CAPRIN2: variants seen among roughly 807,000 people sequenced by gnomAD.
The protein encoded by CAPRIN2 is caprin family member 2, also known as caprin-2.
In CAPRIN2, 66 loss-of-function variants were observed where a neutral mutation model predicts 130.4. The ratio of observed to expected loss-of-function variants is 0.51; its 90% CI spans 0.42 to 0.62. CAPRIN2 has a LOEUF of 0.62. CAPRIN2 is among the 20% of genes least tolerant of loss of function. CAPRIN2 has a pLI of 0.00. For synonymous variants in CAPRIN2, 471 were observed against 444.1 expected (o/e 1.06, Z -0.76); for missense variants, 1,185 against 1,246.6 (o/e 0.95, Z 0.74).
chr12:30,716,520 A>G, exon 13 of CAPRIN2: 1 of 1,613,796 alleles, frequency 6.2e-7, no homozygotes, highest in African/African-American at 1.3e-5. Context: ...GTCTCTTGAG[A>G]ATGGACAGTT....
At chr12:30,716,703 A>T in intron 12 of CAPRIN2, 27 bp from the exon 15 acceptor site, 1 of 1,598,506 alleles carries the variant, frequency 6.3e-7, no homozygotes, top group Non-Finnish European at 8.5e-7. Context: ...ACACTGAGTC[A>T]TTTGGGAAGT....
exon 3 of CAPRIN2, chr12:30,741,035 A>T (rs2067221313): frequency 1.2e-6 from 2 of 1,609,154 alleles, no homozygotes. Context: ...GGCTCAACCC[A>T]GAAAAGGTTT....
At chr12:30,745,996 T>C (rs1306986670) in intron 2 of CAPRIN2, among the ~76,000 whole-genome samples, 3 of 151,916 alleles carry the variant, frequency 2.0e-5, no homozygotes, top group African/African-American at 4.8e-5. Flanking sequence ...CAAAAATCAA[T>C]CTCCAAAGAA....
intron 10 of CAPRIN2, 91 bp downstream of exon 11, chr12:30,724,279 A>G: frequency 1.3e-6 from 1 of 789,784 alleles, no homozygotes; most frequent in South Asian, 1.5e-5. Context: ...ACATATTAGG[A>G]CATCTAAAAT....
At chr12:30,745,204 T>A (rs935577950) in intron 2 of CAPRIN2, among the ~76,000 whole-genome samples, 1 of 152,222 alleles carries the variant, frequency 6.6e-6, no homozygotes, top group African/African-American at 2.4e-5. Flanking sequence ...ACAAAAACTT[T>A]GGTAGAACCA....
chr12:30,754,410 G>A (rs1296795281), exon 1 of CAPRIN2: 2 of 152,768 alleles, frequency 1.3e-5, no homozygotes. Flanking sequence ...ACCAAGGACA[G>A]AACAGGCCCC....
rs2061792758 is a variant in CAPRIN2 at position 30,729,097 on chromosome 12, CTT to C, written c.1331_1332del (p.Gln444ArgfsTer26). ...AGAGTAGACCTGAGTTTTGAGGTGT[CTT>C]GTTTCCTCTGTTCTAAGGAAACTGC... On this transcript the variant is annotated frameshift_variant, in exon 8 of 17. Coordinates refer to ENST00000298892, the Ensembl canonical transcript of CAPRIN2. LOFTEE classifies it high-confidence loss of function. 1 of 1,614,116 alleles carries C rather than the reference CTT, an allele frequency of 6.2e-7. No individual in the cohort carries two copies. Among genetic ancestry groups the C allele is most frequent in the Non-Finnish European group, 8.5e-7 (1 of 1,180,018 alleles).
chr12:30,724,011 G>A (rs1328176379), intron 10 of CAPRIN2, among the ~76,000 whole-genome samples: 3 of 152,102 alleles, frequency 2.0e-5, no homozygotes, highest in Non-Finnish European at 4.4e-5. Context: ...CTTCATTGTG[G>A]TAATCACACC....
At chr12:30,717,244 A>G (rs1158377705) in intron 12 of CAPRIN2, among the ~76,000 whole-genome samples, 1 of 152,250 alleles carries the variant, frequency 6.6e-6, no homozygotes, top group East Asian at 1.9e-4. Context: ...TGGATTATTC[A>G]GCCATACAAA....
At chr12:30,717,875 A>G (rs2058159895) in intron 12 of CAPRIN2, among the ~76,000 whole-genome samples, 1 of 152,166 alleles carries the variant, frequency 6.6e-6, no homozygotes, top group African/African-American at 2.4e-5. Flanking sequence ...ATATACAGGT[A>G]TTTGTCTCCC....
intron 12 of CAPRIN2, chr12:30,719,194 G>T (rs753175399): frequency 1.2e-6 from 2 of 1,614,068 alleles, no homozygotes; most frequent in Non-Finnish European, 1.7e-6. Context: ...AGAAGCTAGT[G>T]AAGACGGTTG....
At chr12:30,728,907 T>C (rs1438408982) in exon 8 of CAPRIN2, 1 of 1,614,182 alleles carries the variant, frequency 6.2e-7, no homozygotes. Flanking sequence ...AGTTTGCTTC[T>C]TTGGATCTTG....
chr12:30,733,630 T>C (rs745737049), exon 5 of CAPRIN2: 1 of 1,608,020 alleles, frequency 6.2e-7, no homozygotes, highest in Non-Finnish European at 8.5e-7. Context: ...AAAACTCACA[T>C]GTCGTTCCTA....
At position 30,716,625 on chromosome 12, in the gene CAPRIN2, C is replaced by A; in HGVS notation, c.2200G>T (p.Glu734Ter). Residue 734 changes from glutamate (E) to a stop codon, truncating the protein, a stop_gained, in exon 13 of 17, where the codon GAA (glutamate) becomes TAA (stop). Coordinates refer to ENST00000298892, the Ensembl canonical transcript of CAPRIN2. LOFTEE classifies it high-confidence loss of function. ...TTGTAGCCAGGTGAATAAGGGGATT[C>A]TTTTATTTCTTGTTCTTTTCGTGGA... is the stretch of plus-strand genomic sequence containing the variant. The A allele has an allele frequency of 6.2e-7, 1 of 1,613,898 alleles. No individual in the cohort carries two copies. The highest frequency in any genetic ancestry group is 8.5e-7 in the Non-Finnish European group (1 of 1,179,870).
rs2053782256 is a variant in CAPRIN2, at chr12:30,710,062, T to C, written c.3074A>G (p.Tyr1025Cys). 1 of 1,614,156 alleles carries C rather than the reference T, an allele frequency of 6.2e-7. No individual in the cohort carries two copies. Among genetic ancestry groups the C allele is most frequent in the Non-Finnish European group, 8.5e-7 (1 of 1,180,026 alleles). ...ATGGTCTGGAGCACCATCATTGGCA[T>C]AGGCTGATACCAAGACCTCTTCATT... Residue 1025 changes from tyrosine to cysteine, a missense_variant, in exon 17 of 17, where the codon TAT (tyrosine) becomes TGT (cysteine). Physicochemically the swap from Tyr to Cys is radical, Grantham distance 194. This residue lies in a region of CAPRIN2 where 81 missense variants were observed against 142.2 expected (regional missense o/e 0.57). Coordinates refer to ENST00000298892, the Ensembl canonical transcript of CAPRIN2. This position sits in a 1 kb window ranked among gnomAD's most constrained non-coding sequence, Gnocchi z 4.8.
At chr12:30,748,486 C>T (rs1438628440) in intron 2 of CAPRIN2, among the ~76,000 whole-genome samples, 1 of 152,214 alleles carries the variant, frequency 6.6e-6, no homozygotes, top group Non-Finnish European at 1.5e-5. Context: ...TGACACAGTG[C>T]TACTGCACAC....
rs536059804 is a variant in CAPRIN2, at chr12:30,719,446, A to T, written c.2148+1365T>A. ...CTTGCTGACTAAGTGAAAGAGTCTT[A>T]CCAATAATCAGTCTAACAGATGAGG... On this transcript the variant is annotated intron_variant, in intron 12 of 16. Coordinates refer to ENST00000298892, the Ensembl canonical transcript of CAPRIN2. 146 of 523,730 alleles carry T rather than the reference A, an allele frequency of 2.8e-4. 2 individuals are homozygous for T. In the Admixed American group the frequency reaches 3.0e-3, roughly 11 times the overall value. 32.4% of individuals were successfully genotyped at this position (523,730 alleles called of 1,614,324 possible).
Position 30,710,463 on chromosome 12 carries a change from C to A in CAPRIN2, c.2673G>T (p.Trp891Cys). Residue 891 changes from tryptophan (W) to cysteine (C), a missense_variant, in exon 17 of 17, where the codon TGG becomes TGT. Transcript: ENST00000298892. The surrounding 1 kb of genome is among the most constrained non-coding windows in gnomAD (Gnocchi z 4.8). The stretch of plus-strand genomic sequence containing the variant: ...GGCTGCTCACCTGAGAAGAATCACT[C>A]CACCCTGCTGTTTTATTAGCAACAG... 1 of 1,614,002 alleles carries A rather than the reference C, an allele frequency of 6.2e-7. No individual in the cohort carries two copies. Among genetic ancestry groups the A allele is most frequent in the Non-Finnish European group, 8.5e-7 (1 of 1,179,932 alleles).
At chr12:30,731,569 T>G in intron 5 of CAPRIN2, 59 bp from the exon 7 acceptor site, 3 of 1,367,198 alleles carry the variant, frequency 2.2e-6, no homozygotes, top group Non-Finnish European at 3.1e-6. Flanking sequence ...TTACTGGGAA[T>G]AGAAATCCTA....
Sources: allele counts gnomAD v4.1 joint callset (sites outside exome capture counted in the v4.1 genomes callset), GRCh38; gene constraint gnomAD v4.1.1; regional missense constraint gnomAD v4.1.1; non-coding constraint Gnocchi (gnomAD v3.1); transcripts MANE v1.5; gene names NCBI Gene and HGNC (gene_info 2026-07-23, HGNC 2026-07-21).